Variants in TBC1D21 observed in about 807,000 individuals in gnomAD.
TBC1D21 encodes TBC1 domain family member 21.
TBC1D21 carries 38 observed loss-of-function variants against 46.0 expected under a neutral mutation model. That is an observed-to-expected ratio of 0.83 (90% confidence interval 0.64 to 1.08). The LOEUF is 1.08. TBC1D21 is among the 50% of genes least tolerant of loss of function. The pLI is 0.00. For synonymous variants in TBC1D21, 151 were observed against 157.2 expected (o/e 0.96, Z 0.29); for missense variants, 415 against 417.9 (o/e 0.99, Z 0.06).
At chr15:73,881,258 A>ATC in intron 1 of TBC1D21, 141 bp from the exon 2 acceptor site, 1 of 610,948 alleles carries the variant, frequency 1.6e-6, no homozygotes, top group Non-Finnish European at 2.9e-6. Flanking sequence ...ATTTTCAGTA[A>ATC]TGTCCTCAAG....
Position 73,881,487 on chromosome 15 carries a change from G to T in TBC1D21, c.149G>T (p.Cys50Phe), listed in dbSNP as rs766533178. 2.5e-6 allele frequency: 4 copies of T among 1,614,180 alleles called. No individual in the cohort carries two copies. In the East Asian group the frequency reaches 8.9e-5, roughly 36 times the overall value. ...GHLAKSRDFI[C>F]VNILERGLHP... Reference sequence around the variant, plus strand: ...TTGGCCAAATCACGGGACTTCATTTGTGTTAACATCCTGGAAAGGGTGGGT... The same window carrying T: ...TTGGCCAAATCACGGGACTTCATTTTTGTTAACATCCTGGAAAGGGTGGGT... The change falls in exon 2 of 11, where the codon TGT (cysteine) becomes TTT (phenylalanine). Residue 50 changes from cysteine (C) to phenylalanine (F), a missense_variant. By Grantham distance (205) the Cys-to-Phe change is radical (BLOSUM62 -2). Transcript: ENST00000300504.
the TBC1D21 span, among the ~76,000 whole-genome samples, chr15:73,898,880 A>AATATATAT: frequency 8.8e-5 from 5 of 56,798 alleles, no homozygotes; most frequent in African/African-American, 1.6e-4. Context: ...AAAAAAAAAA[A>AATATATAT]ATATATATAT....
At chr15:73,892,779 G>A (rs960342346), downstream of TBC1D21, among the ~76,000 whole-genome samples, 6 of 152,262 alleles carry the variant, frequency 3.9e-5, no homozygotes, top group African/African-American at 1.4e-4. Flanking sequence ...GTAGGCCCGA[G>A]CAAAACTCAG....
chr15:73,884,130 G>C, intron 3 of TBC1D21, 21 bp from the exon 4 acceptor site: 2 of 1,605,024 alleles, frequency 1.2e-6, no homozygotes, highest in Non-Finnish European at 1.7e-6. Context: ...ACCTTGTTCA[G>C]CCTCAGTTCT....
At chr15:73,890,029 G>T (rs371384197), downstream of TBC1D21, among the ~76,000 whole-genome samples, 1 of 152,072 alleles carries the variant, frequency 6.6e-6, no homozygotes, top group African/African-American at 2.4e-5. Flanking sequence ...ACACACACAC[G>T]AATGCACACA....
intron 9 of TBC1D21, 55 bp from the exon 10 acceptor site, chr15:73,888,375 G>A: frequency 1.4e-6 from 2 of 1,473,416 alleles, no homozygotes; most frequent in Non-Finnish European, 1.9e-6. Context: ...GCCCAAGAGT[G>A]CTGGGAGATG....
chr15:73,881,786 C>G, intron 3 of TBC1D21, 39 bp downstream of exon 3: 1 of 1,575,746 alleles, frequency 6.3e-7, no homozygotes, highest in Non-Finnish European at 8.7e-7. Flanking sequence ...GGAGGGGGGC[C>G]TGCAGGTGGC....
chr15:73,879,552 T>G (rs1443531149), intron 1 of TBC1D21, among the ~76,000 whole-genome samples: 1 of 151,944 alleles, frequency 6.6e-6, no homozygotes, highest in Admixed American at 6.6e-5. Context: ...ACTCATGTGG[T>G]TTGTGGACTA....
At chr15:73,886,405 G>C in intron 7 of TBC1D21, 107 bp from the exon 8 acceptor site, 1 of 1,087,626 alleles carries the variant, frequency 9.2e-7, no homozygotes, top group Admixed American at 2.0e-5. Flanking sequence ...CAGGCTTTTT[G>C]TATTTCCCAA....
chr15:73,892,992 A>G (rs191691450), downstream of TBC1D21, among the ~76,000 whole-genome samples: 4 of 152,214 alleles, frequency 2.6e-5, no homozygotes, highest in East Asian at 7.7e-4. Flanking sequence ...GATGTCATTT[A>G]TGATGGTGGA....
the TBC1D21 span, among the ~76,000 whole-genome samples, chr15:73,901,827 T>G: frequency 6.6e-6 from 1 of 152,150 alleles, no homozygotes; most frequent in Non-Finnish European, 1.5e-5. Flanking sequence ...TTGTTTGTTT[T>G]TTTGAGGTGG....
intron 3 of TBC1D21, among the ~76,000 whole-genome samples, chr15:73,882,180 C>T (rs551391124): frequency 1.6e-4 from 24 of 152,256 alleles, no homozygotes; most frequent in Non-Finnish European, 2.9e-4. Flanking sequence ...TGTTTCCTCC[C>T]GGTGCCCAGG....
chr15:73,890,913 T>C (rs1161797026), downstream of TBC1D21, among the ~76,000 whole-genome samples: 2 of 152,104 alleles, frequency 1.3e-5, no homozygotes, highest in Middle Eastern at 3.2e-3. Context: ...ATTTCCTGTG[T>C]TATCTGCAAG....
chr15:73,881,636 C>T lies in TBC1D21; in HGVS notation c.169-8C>T, dbSNP rs778090610. On this transcript the variant is annotated splice_region_variant and splice_polypyrimidine_tract_variant and intron_variant, in intron 2 of 10. Transcript: ENST00000300504. ...GCCCATGACCTCCACCTCCCACCCC[C>T]ACCCCAGGGTCTGCACCCCTTCGTG... 3 of 1,613,216 alleles carry T rather than the reference C, an allele frequency of 1.9e-6. No homozygotes were observed. The highest frequency in any genetic ancestry group is 1.3e-5 in the African/African-American group (1 of 74,868).
chr15:73,885,787 A>G (rs1175324982), intron 6 of TBC1D21, among the ~76,000 whole-genome samples: 1 of 150,336 alleles, frequency 6.7e-6, no homozygotes, highest in Non-Finnish European at 1.5e-5. Flanking sequence ...ACTGTGAGCC[A>G]CAGTTGAGAA....
intron 1 of TBC1D21, among the ~76,000 whole-genome samples, chr15:73,876,184 T>G (rs1193547421): frequency 6.9e-6 from 1 of 143,900 alleles, no homozygotes; most frequent in Admixed American, 7.1e-5. Context: ...GAAGAATCAG[T>G]GACTTTTTTT....
At chr15:73,876,237 T>G (rs1424751642) in intron 1 of TBC1D21, among the ~76,000 whole-genome samples, 2 of 117,208 alleles carry the variant, frequency 1.7e-5, no homozygotes, top group African/African-American at 6.8e-5. Context: ...TTTTTTTTTT[T>G]TTTTTTTTGA....
chr15:73,873,952 T>C (rs149119665), intron 1 of TBC1D21, among the ~76,000 whole-genome samples, 183 bp downstream of exon 1: 2 of 152,306 alleles, frequency 1.3e-5, no homozygotes, highest in East Asian at 3.9e-4. Flanking sequence ...CAAGCCCCCT[T>C]TCACCTTCTT....
In TBC1D21 at chr15:73,873,687, C is replaced by T. The variant is rs763469460; in HGVS notation, c.-23C>T. 6.3e-7 allele frequency: 1 copy of T among 1,593,618 alleles called. No individual in the cohort carries two copies. Among genetic ancestry groups the T allele is most frequent in the Admixed American group, 1.7e-5 (1 of 58,608 alleles). On this transcript the variant is annotated 5_prime_UTR_variant, in exon 1 of 11. Coordinates refer to ENST00000300504, the MANE Select transcript of TBC1D21 (RefSeq NM_153356.3). ...GCTCCAAGTGAGTTCTGATCAGAGGCTGTTCGGAAGACAGCAGGGGCCATG... is the reference window on the plus strand; with the variant it reads ...GCTCCAAGTGAGTTCTGATCAGAGGTTGTTCGGAAGACAGCAGGGGCCATG...
Sources: allele counts gnomAD v4.1 joint callset (sites outside exome capture counted in the v4.1 genomes callset), GRCh38; gene constraint gnomAD v4.1.1; transcripts MANE v1.5; gene names NCBI Gene and HGNC (gene_info 2026-07-23, HGNC 2026-07-21).